The following MAGI1 variants were observed in gnomAD, a reference collection of about 807,000 sequenced individuals.
MAGI1 encodes the protein membrane-associated guanylate kinase, WW and PDZ domain-containing protein 1.
In MAGI1, 58 loss-of-function variants were observed where a neutral mutation model predicts 139.9. The observed-to-expected ratio is 0.41, with a 90% confidence interval of 0.34 to 0.52. The LOEUF (loss-of-function observed/expected upper bound fraction) is 0.52. MAGI1 is among the 20% of genes least tolerant of loss of function. The probability of loss-of-function intolerance (pLI) is 0.12; values close to 1 mark genes in which losing one functional copy is unlikely to be tolerated. For missense variants in MAGI1, 1,874 were observed against 1,901.6 expected, an observed-to-expected ratio of 0.99 and a Z score of 0.27; for synonymous variants, 812 against 737.9, an observed-to-expected ratio of 1.10 and a Z score of -1.63.
chr3:65,580,229 T>C (rs1183165789), intron 2 of MAGI1, among the ~76,000 whole-genome samples: 1 of 152,204 alleles, frequency 6.6e-6, no homozygotes, highest in Non-Finnish European at 1.5e-5. Context: ...ATGTATTCTG[T>C]ACATGTACAT....
At chr3:65,868,092 G>A (rs988307685) in intron 1 of MAGI1, among the ~76,000 whole-genome samples, 6 of 152,126 alleles carry the variant, frequency 3.9e-5, no homozygotes, top group African/African-American at 1.4e-4. Flanking sequence ...CCTGTTTCAG[G>A]TAGAGAAAGA....
intron 2 of MAGI1, among the ~76,000 whole-genome samples, chr3:65,528,681 T>A (rs2078498943): frequency 1.3e-5 from 2 of 152,184 alleles, no homozygotes; most frequent in African/African-American, 4.8e-5. Context: ...TCAGCAAATG[T>A]CAACTCCCAA....
At chr3:65,752,942 C>A (rs2036269214) in intron 1 of MAGI1, among the ~76,000 whole-genome samples, 1 of 152,152 alleles carries the variant, frequency 6.6e-6, no homozygotes. Context: ...GCTATAAATC[C>A]CACTTGTCCT....
chr3:66,017,507 A>G (rs9810565), intron 1 of MAGI1, among the ~76,000 whole-genome samples: 59,496 of 152,110 alleles, frequency 0.39, 12,659 homozygotes, highest in East Asian at 0.66. Context: ...CCAGGCAACA[A>G]TGCAGCCTCC....
intron 1 of MAGI1, among the ~76,000 whole-genome samples, chr3:66,015,386 C>T (rs1479374371): frequency 6.6e-5 from 10 of 151,918 alleles, no homozygotes; most frequent in Non-Finnish European, 1.5e-4. Context: ...TAACTGTGGA[C>T]GCAGCCAACC....
intron 1 of MAGI1, among the ~76,000 whole-genome samples, chr3:65,980,795 C>G (rs752390943): frequency 6.6e-6 from 1 of 152,052 alleles, no homozygotes; most frequent in Non-Finnish European, 1.5e-5. Context: ...GAGCTTACCC[C>G]GTCCAATGTT....
intron 1 of MAGI1, among the ~76,000 whole-genome samples, chr3:65,899,406 C>G (rs535908032): frequency 6.6e-6 from 1 of 152,234 alleles, no homozygotes; most frequent in East Asian, 1.9e-4. Flanking sequence ...ATGACCATTC[C>G]GCTGAAGAAA....
intron 1 of MAGI1, among the ~76,000 whole-genome samples, chr3:65,716,987 T>C (rs1032995517): frequency 6.6e-6 from 1 of 152,220 alleles, no homozygotes; most frequent in African/African-American, 2.4e-5. Context: ...CTGCAGGATC[T>C]GTGAATATGT....
At chr3:65,601,736 A>G (rs1450232593) in intron 2 of MAGI1, among the ~76,000 whole-genome samples, 3 of 152,142 alleles carry the variant, frequency 2.0e-5, no homozygotes, top group Non-Finnish European at 2.9e-5. Context: ...AAATAAAAAA[A>G]AAACAGAAAT....
At chr3:65,460,815 T>C (rs1949730370) in intron 5 of MAGI1, among the ~76,000 whole-genome samples, 1 of 152,150 alleles carries the variant, frequency 6.6e-6, no homozygotes. Context: ...TTTCTGTTCC[T>C]ATATTAGTTT....
chr3:65,396,903 C>A (rs571236922), intron 13 of MAGI1, among the ~76,000 whole-genome samples: 1 of 152,030 alleles, frequency 6.6e-6, no homozygotes, highest in South Asian at 2.1e-4. Context: ...AAAAGGTGGG[C>A]GAGAGGAGTT....
rs556316185 is a variant in MAGI1, at chr3:65,691,110, G to A, written c.314-69022C>T. The stretch of plus-strand genomic sequence containing the variant: ...AAGGTCAGGAGATTGAGACCATCTT[G>A]GCTAACACGGGGAAACCCCGTCTCT... On this transcript the variant is annotated intron_variant, in intron 1 of 22. Coordinates refer to ENST00000402939, the MANE Select transcript of MAGI1 (RefSeq NM_001033057.2). Among the ~76,000 whole-genome samples, 900 of 151,986 alleles carry A rather than the reference G, an allele frequency of 5.9e-3. 5 individuals carry two copies. The highest frequency in any genetic ancestry group is 0.02 in the African/African-American group (841 of 41,470).
At chr3:65,637,460 G>C (rs944229532) in intron 1 of MAGI1, among the ~76,000 whole-genome samples, 1 of 151,772 alleles carries the variant, frequency 6.6e-6, no homozygotes, top group African/African-American at 2.4e-5. Context: ...AGGCTGAGTT[G>C]GGAGAATCAC....
intron 1 of MAGI1, among the ~76,000 whole-genome samples, chr3:65,696,594 G>T (rs1367666164): frequency 6.6e-6 from 1 of 152,002 alleles, no homozygotes; most frequent in African/African-American, 2.4e-5. Flanking sequence ...AACTGCCCAT[G>T]AAAATACATG....
intron 1 of MAGI1, among the ~76,000 whole-genome samples, chr3:65,942,702 A>C (rs1015908146): frequency 1.3e-5 from 2 of 152,192 alleles, no homozygotes; most frequent in African/African-American, 4.8e-5. Context: ...ATGCAGATCA[A>C]ATTTTATTTT....
intron 1 of MAGI1, among the ~76,000 whole-genome samples, chr3:65,801,664 T>A (rs2040523088): frequency 6.6e-6 from 1 of 152,164 alleles, no homozygotes. Context: ...TCTCAACTCT[T>A]TAAAAAATGC....
intron 1 of MAGI1, among the ~76,000 whole-genome samples, chr3:65,849,781 C>T (rs199638014): frequency 4.6e-5 from 7 of 151,994 alleles, no homozygotes; most frequent in African/African-American, 1.4e-4. Context: ...TCACATCTAA[C>T]GAAGGAAGAA....
At chr3:65,968,661 A>G (rs1454997635) in intron 1 of MAGI1, among the ~76,000 whole-genome samples, 1 of 152,014 alleles carries the variant, frequency 6.6e-6, no homozygotes, top group Non-Finnish European at 1.5e-5. Flanking sequence ...GTATACTTGT[A>G]TACGTATAAA....
chr3:65,429,864 G>C lies in MAGI1; in HGVS notation c.1823C>G (p.Ala608Gly). ...CACGTCCGCTGGGCTGCTTGGCCTG[G>C]CATCCTTCATGCCATTGACTTTGCC... Reference protein sequence around the residue: ...KTGKVNGMKDARPSSPADVAS... With the variant: ...KTGKVNGMKDGRPSSPADVAS... Residue 608 changes from alanine (A) to glycine (G), a missense_variant, in exon 12 of 23, where the codon GCC becomes GGC. Around this residue, in one of 5 missense-constraint regions of MAGI1, gnomAD observed 482 missense variants for 509.6 expected, o/e 0.95. Transcript: ENST00000402939. 6.2e-7 allele frequency: 1 copy of C among 1,613,964 alleles called. No individual in the cohort carries two copies. The highest frequency in any genetic ancestry group is 2.2e-5 in the East Asian group (1 of 44,850).
Sources: allele counts gnomAD v4.1 joint callset (sites outside exome capture counted in the v4.1 genomes callset), GRCh38; gene constraint gnomAD v4.1.1; regional missense constraint gnomAD v4.1.1; transcripts MANE v1.5; gene names NCBI Gene and HGNC (gene_info 2026-07-23, HGNC 2026-07-21).